The following ANGEL2 variants were observed in gnomAD, a reference collection of about 807,000 sequenced individuals.
ANGEL2 encodes RNA 2',3'-cyclic phosphatase ANGEL2.
In ANGEL2, 41 loss-of-function variants were observed where a neutral mutation model predicts 66.0. The ratio of observed to expected loss-of-function variants is 0.62; its 90% CI spans 0.48 to 0.81. The LOEUF (loss-of-function observed/expected upper bound fraction) is 0.81, where lower values mean the gene tolerates loss of function less well. Among genes scored for constraint, ANGEL2 ranks in the 30% least tolerant of loss-of-function variants. The pLI, the probability that ANGEL2 is intolerant of heterozygous loss-of-function variation, is 0.00. For missense variants in ANGEL2, 561 were observed against 641.6 expected, an observed-to-expected ratio of 0.87 and a Z score of 1.36; for synonymous variants, 208 against 226.5, an observed-to-expected ratio of 0.92 and a Z score of 0.73.
At chr1:212,997,076 G>C (rs147961274) in intron 8 of ANGEL2, 79 bp downstream of exon 8, 4 of 1,304,470 alleles carry the variant, frequency 3.1e-6, no homozygotes, top group Admixed American at 4.3e-5. Flanking sequence ...TGGATGTTTA[G>C]AGAGCTTTCT....
rs59221415 is a variant in ANGEL2, at chr1:213,013,249, T to C, written c.229A>G (p.Asn77Asp). 3 of 1,614,054 alleles carry C rather than the reference T, an allele frequency of 1.9e-6. No individual in the cohort carries two copies. The highest frequency in any genetic ancestry group is 3.3e-5 in the Admixed American group (2 of 60,008). The change falls in exon 2 of 9, where the codon AAT (asparagine) becomes GAT (aspartate). Residue 77 changes from asparagine (N) to aspartate (D), a missense_variant. By Grantham distance (23) the Asn-to-Asp change is conservative. Transcript: ENST00000366962. ...PYFSSRHFSL[N>D]WRPPCLFESR... is the part of the protein sequence containing the mutation. Reference sequence around the variant, plus strand: ...TCAAACAAACAGGGTGGTCTCCAATTTAGTGAAAAATGCCTACTACTGAAG... The same window carrying C: ...TCAAACAAACAGGGTGGTCTCCAATCTAGTGAAAAATGCCTACTACTGAAG...
In ANGEL2 at chr1:212,993,370, C is replaced by T. The variant is rs1213649773; in HGVS notation, c.*1671G>A. The T allele has an allele frequency of 6.6e-6, 1 of 152,138 alleles. No homozygotes were observed. Among genetic ancestry groups the T allele is most frequent in the African/African-American group, 2.4e-5 (1 of 41,454 alleles). 9.4% of individuals were successfully genotyped at this position (152,138 alleles called of 1,614,324 possible). ...TTAAATATTTAAACATATTCAATTA[C>T]AATTTTTACTAGACAAATCTTATAA... On this transcript the variant is annotated 3_prime_UTR_variant, in exon 9 of 9. Transcript: ENST00000366962.
intron 7 of ANGEL2, among the ~76,000 whole-genome samples, chr1:212,998,699 TG>T (rs2076094500): frequency 6.6e-6 from 1 of 151,110 alleles, no homozygotes; most frequent in African/African-American, 2.4e-5. Context: ...TTTTTTTTTT[TG>T]TATCTTTAGT....
rs989080996 is a variant in ANGEL2, at chr1:213,011,531, C to T, written c.385+1562G>A. The T allele has an allele frequency of 8.1e-6, 8 of 990,996 alleles. No homozygotes were observed. The African/African-American group carries it at 1.0e-4, about 13-fold the overall frequency. 61.4% of individuals were successfully genotyped at this position (990,996 alleles called of 1,614,324 possible). On this transcript the variant is annotated intron_variant, in intron 2 of 8. Transcript: ENST00000366962. ...CAGTAGGTAAATGTAATTCCCCATCCATTAAGGGAAAACAACACCATAATT... is the reference window on the plus strand; with the variant it reads ...CAGTAGGTAAATGTAATTCCCCATCTATTAAGGGAAAACAACACCATAATT...
At chr1:213,008,713 A>G (rs528873838) in intron 2 of ANGEL2, among the ~76,000 whole-genome samples, 48 of 152,356 alleles carry the variant, frequency 3.2e-4, no homozygotes, top group Non-Finnish European at 5.9e-4. Flanking sequence ...GTCATTCTGG[A>G]GGCTGAGAGT....
At chr1:213,015,529 G>GC in intron 1 of ANGEL2, 84 bp downstream of exon 1, 1 of 349,942 alleles carries the variant, frequency 2.9e-6, no homozygotes, top group Non-Finnish European at 4.4e-6. Flanking sequence ...GCCCCGCCCC[G>GC]CCCCGGGTTA....
intron 1 of ANGEL2, chr1:213,015,015 C>T (rs2076603740): frequency 5.0e-6 from 3 of 603,196 alleles, no homozygotes; most frequent in Non-Finnish European, 6.2e-6. Context: ...TGGGCAGCAC[C>T]TACTGAAGTG....
At chr1:212,996,192 A>G (rs1053165739) in intron 8 of ANGEL2, among the ~76,000 whole-genome samples, 1 of 152,198 alleles carries the variant, frequency 6.6e-6, no homozygotes, top group African/African-American at 2.4e-5. Context: ...CTGTAGTCCC[A>G]GTGGCTCGGG....
At chr1:213,005,486 A>C (rs1361391315) in intron 4 of ANGEL2, 32 bp from the exon 5 acceptor site, 9 of 1,528,876 alleles carry the variant, frequency 5.9e-6, no homozygotes, top group Non-Finnish European at 7.0e-6. Flanking sequence ...AAAACAAATG[A>C]CTGCTTTTAT....
chr1:213,006,134 C>G (rs1003158616), intron 4 of ANGEL2, among the ~76,000 whole-genome samples: 1 of 152,056 alleles, frequency 6.6e-6, no homozygotes, highest in African/African-American at 2.4e-5. Flanking sequence ...TTCCCTAGAA[C>G]AGTGCACGGT....
At chr1:213,007,865 C>CT (rs34608529) in intron 3 of ANGEL2, among the ~76,000 whole-genome samples, 447 of 138,084 alleles carry the variant, frequency 3.2e-3, no homozygotes, top group Middle Eastern at 0.011. Flanking sequence ...TTCTTTCTTT[C>CT]TTTTTTTTTT....
rs922996863 is a variant in ANGEL2, at chr1:213,015,867, T to G, written c.-196A>C. 100 of 638,258 alleles carry G rather than the reference T, an allele frequency of 1.6e-4. 1 individual carries two copies. The South Asian group carries it at 2.0e-3, about 13-fold the overall frequency. The allele number at this position is 638,258 out of a possible 1,614,324, so 39.5% of individuals were successfully genotyped here. On this transcript the variant is annotated 5_prime_UTR_variant, in exon 1 of 9. Transcript: ENST00000366962. ...ATCTTGCGCAGTCAGAGTCCCTGAA[T>G]GCCTTAACCCGGAATTCTGCTCAAG...
At chr1:213,014,625 T>C (rs1421211892) in intron 1 of ANGEL2, among the ~76,000 whole-genome samples, 2 of 152,248 alleles carry the variant, frequency 1.3e-5, no homozygotes, top group Non-Finnish European at 2.9e-5. Flanking sequence ...TTTGCAGTTA[T>C]TTATTCAGAC....
intron 2 of ANGEL2, among the ~76,000 whole-genome samples, chr1:213,009,245 C>T (rs1006574434): frequency 2.0e-5 from 3 of 152,118 alleles, no homozygotes; most frequent in African/African-American, 7.2e-5. Context: ...ATAGGCAGTC[C>T]CTGACTTAGA....
chr1:212,998,718 C>T (rs905900767), intron 7 of ANGEL2, among the ~76,000 whole-genome samples: 10 of 151,270 alleles, frequency 6.6e-5, no homozygotes, highest in East Asian at 3.9e-4. Context: ...AGTAGAGACG[C>T]GGTTTCACCG....
At position 213,013,206 on chromosome 1, in the gene ANGEL2, T is replaced by C. The variant is rs1402560149; in HGVS notation, c.272A>G (p.Gln91Arg). Residue 91 changes from glutamine to arginine, a missense_variant, in exon 2 of 9, where the codon CAG becomes CGG. Coordinates refer to ENST00000366962, the MANE Select transcript of ANGEL2 (RefSeq NM_144567.5). ...PCLFESRTQF[Q>R]YCNWRPDNLS... ...GTTGTCAGGTCTCCAGTTACAGTAC[T>C]GGAACTGAGTTCTAGACTCAAACAA... 6.2e-7 allele frequency: 1 copy of C among 1,614,228 alleles called. No homozygotes were observed. Among genetic ancestry groups the C allele is most frequent in the Middle Eastern group, 1.6e-4 (1 of 6,062 alleles).
At chr1:212,996,148 A>G (rs1558165875) in intron 8 of ANGEL2, among the ~76,000 whole-genome samples, 2 of 152,114 alleles carry the variant, frequency 1.3e-5, no homozygotes, top group African/African-American at 4.8e-5. Flanking sequence ...TCTACTAAAA[A>G]TACAAAAAAT....
At chr1:212,995,231 C>T in intron 8 of ANGEL2, 39 bp from the exon 9 acceptor site, 1 of 1,550,860 alleles carries the variant, frequency 6.4e-7, no homozygotes, top group South Asian at 1.2e-5. Flanking sequence ...GTAAAATTGT[C>T]AACGGGTTAT....
intron 4 of ANGEL2, chr1:213,006,593 T>C (rs2148162028): frequency 6.6e-6 from 1 of 152,502 alleles, no homozygotes. Flanking sequence ...ATCTATCCAT[T>C]AGGTAGACAC....
Sources: gnomAD v4.1 joint callset for allele counts (sites outside exome capture counted in the v4.1 genomes callset) on GRCh38, gnomAD v4.1.1 for gene constraint, MANE v1.5 for transcripts, NCBI Gene and HGNC (gene_info 2026-07-23, HGNC 2026-07-21) for gene names.